The following UFD1 variants were observed in gnomAD, a reference collection of about 807,000 sequenced individuals.
UFD1 encodes ubiquitin recognition factor in ER associated degradation 1.
UFD1 carries 13 observed loss-of-function variants against 45.9 expected under a neutral mutation model. The ratio of observed to expected loss-of-function variants is 0.28; its 90% CI spans 0.18 to 0.45. The LOEUF (loss-of-function observed/expected upper bound fraction) is 0.45. Among genes scored for constraint, UFD1 ranks in the 20% least tolerant of loss-of-function variants. UFD1 has a pLI of 1.00. For synonymous variants in UFD1, 128 were observed against 139.2 expected (o/e 0.92, Z 0.56); for missense variants, 218 against 389.2 (o/e 0.56, Z 3.70).
chr22:19,471,254 C>T (rs768835589), intron 4 of UFD1: 2 of 517,700 alleles, frequency 3.9e-6, no homozygotes, highest in Non-Finnish European at 7.7e-6. Context: ...CATGGCAGCT[C>T]AGTTGAGAGA....
At chr22:19,459,499 C>T (rs905206260) in intron 6 of UFD1, among the ~76,000 whole-genome samples, 5 of 152,144 alleles carry the variant, frequency 3.3e-5, no homozygotes, top group Admixed American at 6.5e-5. Context: ...CCTGTAGTCC[C>T]AGCTATTCGG....
intron 1 of UFD1, among the ~76,000 whole-genome samples, chr22:19,476,043 C>T (rs1249713476): frequency 6.6e-6 from 1 of 152,188 alleles, no homozygotes; most frequent in African/African-American, 2.4e-5. Flanking sequence ...ATAGATACCA[C>T]CCCTGTCCTG....
intron 6 of UFD1, among the ~76,000 whole-genome samples, chr22:19,458,749 AT>A (rs1269332379): frequency 6.6e-6 from 1 of 152,112 alleles, no homozygotes; most frequent in Non-Finnish European, 1.5e-5. Context: ...GGCCTTCGAA[AT>A]TTATTCTAAG....
At chr22:19,451,196 A>G in intron 11 of UFD1, 3 of 986,448 alleles carry the variant, frequency 3.0e-6, no homozygotes, top group Non-Finnish European at 3.6e-6. Context: ...GTACATGCTT[A>G]AAGAATTGTT....
intron 4 of UFD1, among the ~76,000 whole-genome samples, chr22:19,468,669 G>A (rs763998466): frequency 3.8e-4 from 58 of 152,092 alleles, no homozygotes; most frequent in Non-Finnish European, 6.8e-4. Flanking sequence ...ATTTGAAACC[G>A]TCTTAAAAGG....
chr22:19,475,786 G>A (rs1023120906), intron 1 of UFD1, among the ~76,000 whole-genome samples, 184 bp from the exon 2 acceptor site: 1 of 152,086 alleles, frequency 6.6e-6, no homozygotes, highest in African/African-American at 2.4e-5. Context: ...ACCTTTTTCA[G>A]GGCTATGCTC....
intron 4 of UFD1, 21 bp from the exon 5 acceptor site, chr22:19,468,024 C>T: frequency 6.2e-7 from 1 of 1,613,362 alleles, no homozygotes; most frequent in Non-Finnish European, 8.5e-7. Context: ...GAAGAGGCTA[C>T]ATGAGACTCC....
chr22:19,474,754 AAT>A (rs1284850926), intron 3 of UFD1, among the ~76,000 whole-genome samples: 3 of 152,124 alleles, frequency 2.0e-5, no homozygotes, highest in Non-Finnish European at 4.4e-5. Context: ...ACCTTCACTT[AAT>A]CCTGACAGAA....
chr22:19,476,217 T>C (rs2089880077), intron 1 of UFD1, among the ~76,000 whole-genome samples: 1 of 152,072 alleles, frequency 6.6e-6, no homozygotes, highest in African/African-American at 2.4e-5. Flanking sequence ...CACAAAGACC[T>C]GAATGCTATG....
chr22:19,477,508 G>A (rs2089892069), intron 1 of UFD1, among the ~76,000 whole-genome samples: 1 of 152,158 alleles, frequency 6.6e-6, no homozygotes, highest in Non-Finnish European at 1.5e-5. Flanking sequence ...AGACAAAGTG[G>A]AACAGAGATT....
chr22:19,461,820 T>C (rs959362828), intron 6 of UFD1, among the ~76,000 whole-genome samples: 1 of 152,198 alleles, frequency 6.6e-6, no homozygotes, highest in Non-Finnish European at 1.5e-5. Flanking sequence ...TGTTTGTTTT[T>C]TTTTTTCTTT....
At chr22:19,454,110 C>T in intron 11 of UFD1, 4 of 985,704 alleles carry the variant, frequency 4.1e-6, no homozygotes, top group South Asian at 9.4e-5. Context: ...TGTTGGAAGA[C>T]GAAGCCCACC....
chr22:19,451,247 G>C (rs2089680495), intron 11 of UFD1: 2 of 985,692 alleles, frequency 2.0e-6, no homozygotes, highest in African/African-American at 1.8e-5. Flanking sequence ...TAAACTTCCT[G>C]TCTAGTATAC....
intron 6 of UFD1, among the ~76,000 whole-genome samples, chr22:19,459,066 G>A (rs759137005): frequency 6.6e-6 from 1 of 152,170 alleles, no homozygotes; most frequent in Admixed American, 6.5e-5. Context: ...CAGAATGGTT[G>A]TATAGGTATT....
At chr22:19,453,507 G>C in intron 11 of UFD1, 1 of 985,468 alleles carries the variant, frequency 1.0e-6, no homozygotes, top group Non-Finnish European at 1.2e-6. Context: ...AGTCAGCCTG[G>C]GGGACGTCCC....
intron 9 of UFD1, 22 bp downstream of exon 9, chr22:19,456,563 TAA>T (rs1461712610): frequency 1.2e-6 from 2 of 1,613,980 alleles, no homozygotes; most frequent in Non-Finnish European, 1.7e-6. Context: ...CACAGCAATA[TAA>T]GTCAAGTGGT....
intron 4 of UFD1, chr22:19,470,722 G>A (rs536040425): frequency 2.2e-5 from 10 of 454,910 alleles, no homozygotes; most frequent in Admixed American, 2.3e-5. Context: ...GATTAGAGGC[G>A]TGAGCCACCG....
chr22:19,455,957 T>C (rs1012097415), intron 9 of UFD1, among the ~76,000 whole-genome samples, 189 bp from the exon 10 acceptor site: 1 of 152,200 alleles, frequency 6.6e-6, no homozygotes, highest in African/African-American at 2.4e-5. Flanking sequence ...GGGGTGGCCA[T>C]GAGCTGAAGA....
intron 10 of UFD1, among the ~76,000 whole-genome samples, chr22:19,455,240 C>T (rs1440782048): frequency 3.3e-5 from 5 of 152,158 alleles, no homozygotes; most frequent in South Asian, 4.1e-4. Flanking sequence ...TGTGGGTCCC[C>T]GGACCCAGCA....
Sources: gnomAD v4.1 joint callset for allele counts (sites outside exome capture counted in the v4.1 genomes callset) on GRCh38, gnomAD v4.1.1 for gene constraint, MANE v1.5 for transcripts, NCBI Gene and HGNC (gene_info 2026-07-23, HGNC 2026-07-21) for gene names.